ESRRB: variants seen among roughly 807,000 people sequenced by gnomAD.
ESRRB encodes the protein estrogen related receptor beta, also known as steroid hormone receptor ERR2.
In ESRRB, 16 loss-of-function variants were observed where a neutral mutation model predicts 46.0. That is an observed-to-expected ratio of 0.35 (90% CI 0.24 to 0.53). ESRRB has a LOEUF of 0.53. Ranked by LOEUF, ESRRB falls within the 20% of genes least tolerant of loss-of-function variation. The pLI is 0.93. For missense variants in ESRRB, 488 were observed against 607.4 expected (o/e 0.80, Z 2.07); for synonymous variants, 246 against 259.6 (o/e 0.95, Z 0.50).
Position 76,463,445 on chromosome 14 carries a change from G to GTTTTTTTTTTTTTTTTTTT in ESRRB, c.577+802_577+803insTTTTTTTTTTTTTTTTTTT, listed in dbSNP as rs1313130923. The GTTTTTTTTTTTTTTTTTTT allele has an allele frequency of 2.1e-4, 24 of 114,702 alleles. 1 individual carries two copies. Among genetic ancestry groups the GTTTTTTTTTTTTTTTTTTT allele is most frequent in the African/African-American group, 7.0e-4 (19 of 27,290 alleles). The allele number at this position is 114,702 out of a possible 1,614,324, so 7.1% of individuals were successfully genotyped here. On this transcript the variant is annotated intron_variant, in intron 3 of 6. Coordinates refer to ENST00000644823, the MANE Select transcript of ESRRB (RefSeq NM_001379180.1). ...TGAAATTAGCATCACATGCTTCTTT[G>GTTTTTTTTTTTTTTTTTTT]TTTTTTTTTTTTTTTTTTGGAGACG...
intron 3 of ESRRB, among the ~76,000 whole-genome samples, chr14:76,473,729 C>T (rs765816151): frequency 3.3e-5 from 5 of 152,228 alleles, no homozygotes; most frequent in Non-Finnish European, 7.3e-5. Context: ...TATTTTACTT[C>T]CATTAAGAAA....
intron 1 of ESRRB, among the ~76,000 whole-genome samples, chr14:76,346,484 A>G (rs1186780831): frequency 1.3e-5 from 2 of 152,204 alleles, no homozygotes; most frequent in Non-Finnish European, 2.9e-5. Flanking sequence ...GGCAGAGAGC[A>G]TAGGGGTCTG....
At chr14:76,488,167 A>C (rs1464290781) in intron 5 of ESRRB, among the ~76,000 whole-genome samples, 1 of 152,164 alleles carries the variant, frequency 6.6e-6, no homozygotes, top group Non-Finnish European at 1.5e-5. Context: ...ATACTAGAAA[A>C]GATTCAGATG....
chr14:76,357,432 A>T (rs1046320377), intron 1 of ESRRB, among the ~76,000 whole-genome samples: 5 of 152,232 alleles, frequency 3.3e-5, no homozygotes, highest in Non-Finnish European at 7.3e-5. Context: ...AGCAGCCTAC[A>T]TATGGGGGAA....
At chr14:76,358,403 G>GA (rs1166437099) in intron 1 of ESRRB, among the ~76,000 whole-genome samples, 1 of 122,054 alleles carries the variant, frequency 8.2e-6, no homozygotes, top group African/African-American at 3.2e-5. Context: ...AAGAAAGAAA[G>GA]AAAGAAAGAA....
Position 76,498,840 on chromosome 14 carries a change from C to A in ESRRB, c.*382C>A. ...GCATTTCCTAACTCCCTTGCCCCCT[C>A]CCCCATCTGTGGCCTGGGTGGGCAC... On this transcript the variant is annotated 3_prime_UTR_variant, in exon 7 of 7. Coordinates refer to ENST00000644823, the MANE Select transcript of ESRRB (RefSeq NM_001379180.1). 1 of 550,680 alleles carries A rather than the reference C, an allele frequency of 1.8e-6. No homozygotes were observed. The highest frequency in any genetic ancestry group is 3.7e-6 in the Non-Finnish European group (1 of 272,354). The allele number at this position is 550,680 out of a possible 1,614,324, so 34.1% of individuals were successfully genotyped here.
intron 1 of ESRRB, among the ~76,000 whole-genome samples, chr14:76,390,574 T>G (rs1885426648): frequency 6.6e-6 from 1 of 152,142 alleles, no homozygotes; most frequent in Non-Finnish European, 1.5e-5. Context: ...TCAATAAATA[T>G]TAGTTCTTTT....
chr14:76,463,027 G>A (rs1888939518), intron 3 of ESRRB, among the ~76,000 whole-genome samples: 1 of 152,198 alleles, frequency 6.6e-6, no homozygotes, highest in Admixed American at 6.5e-5. Flanking sequence ...GGGTGAAAAG[G>A]ACAGACACAT....
intron 1 of ESRRB, among the ~76,000 whole-genome samples, chr14:76,334,412 G>A (rs905448000): frequency 3.3e-5 from 5 of 152,176 alleles, no homozygotes; most frequent in African/African-American, 9.7e-5. Context: ...GTACCCCTCC[G>A]TCTTCCTCAT....
At chr14:76,320,288 G>A (rs186687931) in intron 1 of ESRRB, among the ~76,000 whole-genome samples, 151 of 152,312 alleles carry the variant, frequency 9.9e-4, no homozygotes, top group Non-Finnish European at 1.7e-3. Context: ...TGATTTTGTA[G>A]CAGCATATTG....
In ESRRB at chr14:76,319,776, G is replaced by A. The variant is rs534505729; in HGVS notation, c.2+8860G>A. 1.1e-4 allele frequency among the ~76,000 whole-genome samples: 17 copies of A among 152,104 alleles called. No individual in the cohort carries two copies. In the South Asian group the frequency reaches 1.2e-3, roughly 11 times the overall value. On this transcript the variant is annotated intron_variant, in intron 1 of 6. Transcript: ENST00000512784. ...TCTTTCTTCGGCACAATCTTCACTCGGATCTCTGCCCTTTATGATGGAAGC... is the reference window on the plus strand; with the variant it reads ...TCTTTCTTCGGCACAATCTTCACTCAGATCTCTGCCCTTTATGATGGAAGC...
chr14:76,482,841 G>A lies in ESRRB; in HGVS notation c.850+82G>A. The A allele has an allele frequency of 6.5e-7, 1 of 1,546,286 alleles. No individual in the cohort carries two copies. The highest frequency in any genetic ancestry group is 8.9e-7 in the Non-Finnish European group (1 of 1,125,974). On this transcript the variant is annotated intron_variant, in intron 5 of 6. Coordinates refer to ENST00000644823, the MANE Select transcript of ESRRB (RefSeq NM_001379180.1). The surrounding 1 kb of genome is among the most constrained non-coding windows in gnomAD (Gnocchi z 4.3). ...CAGCCTACCCAATGGCTGTGCTTCTGATGCCCGGATCCTGGACCCCAGAAG... is the reference window on the plus strand; with the variant it reads ...CAGCCTACCCAATGGCTGTGCTTCTAATGCCCGGATCCTGGACCCCAGAAG...
At chr14:76,328,180 C>T (rs1883957667) in intron 1 of ESRRB, among the ~76,000 whole-genome samples, 1 of 152,100 alleles carries the variant, frequency 6.6e-6, no homozygotes, top group Admixed American at 6.5e-5. Flanking sequence ...ACCCTCAGTC[C>T]AGTACTCATG....
chr14:76,468,871 C>T (rs2140004470), intron 3 of ESRRB, among the ~76,000 whole-genome samples: 2 of 152,196 alleles, frequency 1.3e-5, no homozygotes, highest in Middle Eastern at 6.8e-3. Context: ...GCCTCACTCC[C>T]TACTCTTGTA....
intron 3 of ESRRB, among the ~76,000 whole-genome samples, chr14:76,476,194 A>AT (rs1171365561): frequency 6.6e-6 from 1 of 151,934 alleles, no homozygotes; most frequent in African/African-American, 2.4e-5. Context: ...GGGATTATCA[A>AT]TTTTTTTCTA....
rs1566853450 is a variant in ESRRB at position 76,332,819 on chromosome 14, T to TAAATA, written c.2+21903_2+21904insAAATA. 9.7e-3 allele frequency among the ~76,000 whole-genome samples: 255 copies of TAAATA among 26,378 alleles called. 15 individuals are homozygous for TAAATA. In the Middle Eastern group the frequency reaches 0.21, roughly 22 times the overall value. The allele number at this position is 26,378 out of a possible 152,430, so 17.3% of individuals were successfully genotyped here. On this transcript the variant is annotated intron_variant, in intron 1 of 6. Transcript: ENST00000512784. ...ATATAATATATTTATATATTATATATTTATATATTTATATATTATATATTT... is the reference window on the plus strand; with the variant it reads ...ATATAATATATTTATATATTATATATAAATATTATATATTTATATATTATATATTT...
At chr14:76,465,676 C>T (rs577974047) in intron 3 of ESRRB, among the ~76,000 whole-genome samples, 3 of 152,300 alleles carry the variant, frequency 2.0e-5, no homozygotes, top group Admixed American at 6.5e-5. Context: ...GGTCTTTACC[C>T]AGGGTGGCAG....
chr14:76,484,672 C>T (rs549535915), intron 5 of ESRRB, among the ~76,000 whole-genome samples: 2 of 152,214 alleles, frequency 1.3e-5, no homozygotes, highest in East Asian at 3.9e-4. Flanking sequence ...CCCCTGCACT[C>T]ATTTTTCTCT....
chr14:76,412,221 G>A (rs1425606381), intron 1 of ESRRB, among the ~76,000 whole-genome samples: 1 of 152,202 alleles, frequency 6.6e-6, no homozygotes, highest in Admixed American at 6.5e-5. Context: ...GAGAACAGAG[G>A]CATCAATTGC....
Sources: allele counts gnomAD v4.1 joint callset (sites outside exome capture counted in the v4.1 genomes callset), GRCh38; gene constraint gnomAD v4.1.1; non-coding constraint Gnocchi (gnomAD v3.1); transcripts MANE v1.5; gene names NCBI Gene and HGNC (gene_info 2026-07-23, HGNC 2026-07-21).